The following KCNMA1 variants were observed in gnomAD, a reference collection of about 807,000 sequenced individuals.
The protein encoded by KCNMA1 is potassium calcium-activated channel subfamily M alpha 1, also known as Calcium-activated potassium channel subunit alpha-1.
In KCNMA1, 29 loss-of-function variants were observed where a neutral mutation model predicts 140.0. The ratio of observed to expected loss-of-function variants is 0.21; its 90% CI spans 0.15 to 0.28. KCNMA1 has a LOEUF of 0.28. Among genes scored for constraint, KCNMA1 ranks in the 10% least tolerant of loss-of-function variants. KCNMA1 has a pLI of 1.00. For missense variants in KCNMA1, 880 were observed against 1,602.2 expected, an observed-to-expected ratio of 0.55 and a Z score of 7.70; for synonymous variants, 612 against 611.9, an observed-to-expected ratio of 1.00 and a Z score of 0.00.
intron 1 of KCNMA1, among the ~76,000 whole-genome samples, chr10:77,509,162 C>T (rs12772501): frequency 0.15 from 22,878 of 151,700 alleles, 2,035 homozygotes; most frequent in Middle Eastern, 0.25. Flanking sequence ...ACTCTGTCAC[C>T]CAGGCTGGAG....
At chr10:77,191,989 T>C (rs1014801845) in intron 3 of KCNMA1, among the ~76,000 whole-genome samples, 1 of 152,104 alleles carries the variant, frequency 6.6e-6, no homozygotes, top group African/African-American at 2.4e-5. Context: ...TTGAAATGAA[T>C]TGGAGCATAC....
chr10:77,406,472 C>T lies in KCNMA1; in HGVS notation c.379-2449G>A, dbSNP rs889602545. On this transcript the variant is annotated intron_variant, in intron 1 of 27. Transcript: ENST00000286628. ...ATAAAGCAATGGTTATCACAATGAGCGGGCATCATAAGCACACCAGAGGGC... is the reference window on the plus strand; with the variant it reads ...ATAAAGCAATGGTTATCACAATGAGTGGGCATCATAAGCACACCAGAGGGC... 4.6e-5 allele frequency among the ~76,000 whole-genome samples: 7 copies of T among 152,310 alleles called. No individual in the cohort carries two copies. In the South Asian group the frequency reaches 6.2e-4, roughly 14 times the overall value.
intron 19 of KCNMA1, among the ~76,000 whole-genome samples, chr10:76,971,402 A>T (rs1225667415): frequency 6.6e-6 from 1 of 152,194 alleles, no homozygotes; most frequent in African/African-American, 2.4e-5. Context: ...CGCTAAATAA[A>T]TTTAGTAGGT....
At chr10:77,630,070 C>T (rs10824556) in intron 1 of KCNMA1, among the ~76,000 whole-genome samples, 64,995 of 152,074 alleles carry the variant, frequency 0.43, 15,650 homozygotes, top group East Asian at 0.8. Flanking sequence ...CGGTGCCACG[C>T]GTGTCCCCCA....
At chr10:77,135,896 T>A (rs2616648) in intron 5 of KCNMA1, among the ~76,000 whole-genome samples, 132,500 of 152,206 alleles carry the variant, frequency 0.87, 57,681 homozygotes, top group East Asian at 0.92. Flanking sequence ...TCTACTGTAT[T>A]ACATGGTGAC....
rs979382151 is a variant in KCNMA1 at position 76,896,459 on chromosome 10, C to T, written c.3148-4740G>A. ...CTTTAGAAAAAATTTGTGCAGTTAACGGAATCATCACAGGGTCCTGAGGCG... is the reference window on the plus strand; with the variant it reads ...CTTTAGAAAAAATTTGTGCAGTTAATGGAATCATCACAGGGTCCTGAGGCG... On this transcript the variant is annotated intron_variant, in intron 25 of 27. Coordinates refer to ENST00000286628, the MANE Select transcript of KCNMA1 (RefSeq NM_001161352.2). Among the ~76,000 whole-genome samples, 12 of 152,178 alleles carry T rather than the reference C, an allele frequency of 7.9e-5. No individual in the cohort carries two copies. The East Asian group carries it at 1.5e-3, about 20-fold the overall frequency.
chr10:77,147,353 G>T (rs1250819052), intron 5 of KCNMA1, among the ~76,000 whole-genome samples: 1 of 152,150 alleles, frequency 6.6e-6, no homozygotes, highest in Non-Finnish European at 1.5e-5. Flanking sequence ...GCTTTGCTTG[G>T]TCTCTGGTTT....
intron 1 of KCNMA1, among the ~76,000 whole-genome samples, chr10:77,610,523 G>A (rs999727897): frequency 1.3e-5 from 2 of 152,180 alleles, no homozygotes; most frequent in African/African-American, 4.8e-5. Context: ...GTCGGCCAGC[G>A]GTGCTGTCTC....
chr10:77,495,282 C>G (rs1009889487), intron 1 of KCNMA1, among the ~76,000 whole-genome samples: 4 of 152,208 alleles, frequency 2.6e-5, no homozygotes, highest in Non-Finnish European at 5.9e-5. Flanking sequence ...CCAGCCCAGG[C>G]CTTTGTGGCC....
At chr10:77,058,218 C>T (rs541284047) in intron 14 of KCNMA1, among the ~76,000 whole-genome samples, 50 of 151,954 alleles carry the variant, frequency 3.3e-4, no homozygotes, top group Non-Finnish European at 5.5e-4. Context: ...ACCAAGAAAA[C>T]GTAACAATCT....
intron 1 of KCNMA1, among the ~76,000 whole-genome samples, chr10:77,550,066 G>A (rs1029384205): frequency 2.0e-5 from 3 of 152,156 alleles, no homozygotes; most frequent in African/African-American, 4.8e-5. Flanking sequence ...CATTGTGCAC[G>A]CACCCCCAGC....
intron 23 of KCNMA1, among the ~76,000 whole-genome samples, chr10:76,929,002 T>C (rs1359016498): frequency 6.6e-6 from 1 of 152,200 alleles, no homozygotes; most frequent in Admixed American, 6.6e-5. Context: ...TAATATTTCA[T>C]AAGATAGAGA....
chr10:77,425,283 C>G (rs1239754145), intron 1 of KCNMA1, among the ~76,000 whole-genome samples: 2 of 152,192 alleles, frequency 1.3e-5, no homozygotes, highest in African/African-American at 4.8e-5. Flanking sequence ...TGAATTTTCT[C>G]TTTTGGGGGA....
At chr10:77,074,609 T>G (rs1295159595) in intron 13 of KCNMA1, among the ~76,000 whole-genome samples, 13 of 152,248 alleles carry the variant, frequency 8.5e-5, no homozygotes, top group Admixed American at 8.5e-4. Context: ...GAAGCCAGAA[T>G]TAAGACTGAC....
At chr10:77,444,701 G>A (rs2097487859) in intron 1 of KCNMA1, among the ~76,000 whole-genome samples, 1 of 152,096 alleles carries the variant, frequency 6.6e-6, no homozygotes, top group Non-Finnish European at 1.5e-5. Flanking sequence ...ATTGTCCTGG[G>A]AACTTCCCCG....
chr10:77,016,007 A>G (rs375532730), intron 17 of KCNMA1, among the ~76,000 whole-genome samples: 1 of 152,198 alleles, frequency 6.6e-6, no homozygotes, highest in Non-Finnish European at 1.5e-5. Flanking sequence ...GCTTAAAGCC[A>G]TCAATGACTT....
chr10:77,493,091 A>T (rs1336948127), intron 1 of KCNMA1, among the ~76,000 whole-genome samples: 2 of 152,338 alleles, frequency 1.3e-5, no homozygotes, highest in Middle Eastern at 3.4e-3. Context: ...TCATGTCTTC[A>T]GATTTCCCAC....
intron 1 of KCNMA1, among the ~76,000 whole-genome samples, chr10:77,499,403 GTATA>G (rs71028280): frequency 4.6e-4 from 65 of 142,324 alleles, no homozygotes; most frequent in South Asian, 1.5e-3. Context: ...CAGTAGGCAT[GTATA>G]TATATATATA....
chr10:76,992,114 G>C (rs1299466474), intron 19 of KCNMA1, among the ~76,000 whole-genome samples: 1 of 152,182 alleles, frequency 6.6e-6, no homozygotes, highest in Non-Finnish European at 1.5e-5. Flanking sequence ...GAAGGGGCTA[G>C]AATGAAAACT....
Sources: allele counts gnomAD v4.1 joint callset (sites outside exome capture counted in the v4.1 genomes callset), GRCh38; gene constraint gnomAD v4.1.1; transcripts MANE v1.5; gene names NCBI Gene and HGNC (gene_info 2026-07-23, HGNC 2026-07-21).